KCNT1: variants seen among roughly 807,000 people sequenced by gnomAD.
KCNT1 encodes potassium sodium-activated channel subfamily T member 1, also known as potassium channel subfamily T member 1.
KCNT1 carries 78 observed loss-of-function variants against 147.8 expected under a neutral mutation model. The observed-to-expected ratio is 0.53, with a 90% CI of 0.44 to 0.64. The LOEUF (loss-of-function observed/expected upper bound fraction) is 0.64. Ranked by LOEUF, KCNT1 falls within the 30% of genes least tolerant of loss-of-function variation. The probability of loss-of-function intolerance (pLI) is 0.00; values close to 1 mark genes in which losing one functional copy is unlikely to be tolerated. For synonymous variants in KCNT1, 867 were observed against 748.8 expected (o/e 1.16, Z -2.58); for missense variants, 1,419 against 1,750.3 (o/e 0.81, Z 3.38).
chr9:135,734,045 T>C (rs1830234304), intron 2 of KCNT1, among the ~76,000 whole-genome samples: 1 of 151,998 alleles, frequency 6.6e-6, no homozygotes, highest in Non-Finnish European at 1.5e-5. Flanking sequence ...CAGCCCGCAG[T>C]CCCACTCAGC....
chr9:135,791,718 C>A, intron 29 of KCNT1, 79 bp from the exon 30 acceptor site: 2 of 1,220,788 alleles, frequency 1.6e-6, no homozygotes, highest in Non-Finnish European at 1.2e-6. Flanking sequence ...ATCCTGGAGC[C>A]CCCACACCTC....
At chr9:135,743,241 C>A (rs972381208) in intron 2 of KCNT1, among the ~76,000 whole-genome samples, 2 of 152,116 alleles carry the variant, frequency 1.3e-5, no homozygotes, top group African/African-American at 4.8e-5. Flanking sequence ...CCCACTGAGC[C>A]GCCGGGGCTC....
At chr9:135,753,839 G>A in intron 4 of KCNT1, 98 bp from the exon 5 acceptor site, 1 of 1,266,362 alleles carries the variant, frequency 7.9e-7, no homozygotes, top group Admixed American at 1.7e-5. Context: ...TGAGTAGGAG[G>A]CCCCCATGAA....
In KCNT1 at chr9:135,775,093, T is replaced by C. The variant is rs113226150; in HGVS notation, c.2244-217T>C. ...CTGGGTGCCAAGGCTAGGCAGGCCCTATGACACGGTGACCACAGGCTCAGC... is the reference window on the plus strand; with the variant it reads ...CTGGGTGCCAAGGCTAGGCAGGCCCCATGACACGGTGACCACAGGCTCAGC... On this transcript the variant is annotated intron_variant, in intron 19 of 30. Coordinates refer to ENST00000371757, the MANE Select transcript of KCNT1 (RefSeq NM_020822.3). 0.036 allele frequency among the ~76,000 whole-genome samples: 5,468 copies of C among 152,276 alleles called. 140 individuals carry two copies. Among genetic ancestry groups the C allele is most frequent in the Middle Eastern group, 0.11 (31 of 294 alleles).
rs117286274 is a variant in KCNT1, at chr9:135,757,333, C to G, written c.711C>G (p.Pro237=). ...FWPPLRNLFI[P]VFLNCWLAKH... is the part of the protein sequence containing the mutation. ...CGCCGCTGCGGAACCTGTTCATCCC[C>G]GTCTTTCTGAACTGCTGGCTGGCCA... is the stretch of plus-strand genomic sequence containing the variant. The change falls in exon 9 of 31, where the codon CCC becomes CCG. Residue 237 remains proline, a synonymous_variant. Transcript: ENST00000371757. 0.017 allele frequency: 26,922 copies of G among 1,611,700 alleles called. 287 individuals are homozygous for G. Among genetic ancestry groups the G allele is most frequent in the Non-Finnish European group, 0.02 (23,991 of 1,179,932 alleles).
At chr9:135,731,151 G>A (rs560055722) in intron 2 of KCNT1, among the ~76,000 whole-genome samples, 6 of 151,992 alleles carry the variant, frequency 3.9e-5, no homozygotes, top group South Asian at 2.1e-4. Context: ...ACTGGCTTCC[G>A]TACCCTTGGA....
chr9:135,777,605 G>A, intron 21 of KCNT1, 95 bp downstream of exon 21: 1 of 1,197,038 alleles, frequency 8.4e-7, no homozygotes, highest in Non-Finnish European at 1.2e-6. Flanking sequence ...CGCCTTTGCA[G>A]AGGGCACGGG....
At position 135,732,709 on chromosome 9, in the gene KCNT1, T is replaced by G. The variant is rs1830151279; in HGVS notation, c.255-17389T>G. On this transcript the variant is annotated intron_variant, in intron 2 of 30. Coordinates refer to ENST00000371757, the MANE Select transcript of KCNT1 (RefSeq NM_020822.3). ...AACTTCCTTCTTCTCTGGGTTTTGTTTTATTGTTGGCCGGGTTCTTTGTCT... is the reference window on the plus strand; with the variant it reads ...AACTTCCTTCTTCTCTGGGTTTTGTGTTATTGTTGGCCGGGTTCTTTGTCT... 2.0e-5 allele frequency among the ~76,000 whole-genome samples: 3 copies of G among 152,114 alleles called. No individual in the cohort carries two copies. In the South Asian group the frequency reaches 6.2e-4, roughly 32 times the overall value.
intron 29 of KCNT1, 93 bp from the exon 30 acceptor site, chr9:135,791,704 G>C: frequency 9.2e-7 from 1 of 1,081,430 alleles, no homozygotes; most frequent in Non-Finnish European, 1.4e-6. Flanking sequence ...GAAAGACTCA[G>C]CTCATCCTGG....
rs150798930 is a variant in KCNT1 at position 135,760,257 on chromosome 9, C to T, written c.1035+398C>T. On this transcript the variant is annotated intron_variant, in intron 11 of 30. Transcript: ENST00000371757. ...AGGGGGCACACCCCCCCGGCCACCC[C>T]AGTGGCTTCCCCGTCACCACTGCTG... Among the ~76,000 whole-genome samples, 992 of 152,336 alleles carry T rather than the reference C, an allele frequency of 6.5e-3. 7 individuals carry two copies. Among genetic ancestry groups the T allele is most frequent in the African/African-American group, 0.023 (937 of 41,586 alleles).
chr9:135,716,079 G>C (rs1041085873), intron 2 of KCNT1, among the ~76,000 whole-genome samples: 7 of 152,176 alleles, frequency 4.6e-5, no homozygotes, highest in Admixed American at 6.5e-5. Context: ...TGCGTGGCTG[G>C]GAGGCTCTCC....
chr9:135,748,882 G>A (rs575529744), intron 2 of KCNT1, among the ~76,000 whole-genome samples: 8 of 152,352 alleles, frequency 5.3e-5, no homozygotes, highest in African/African-American at 1.9e-4. Flanking sequence ...CCAGGCACCG[G>A]AGGCAGCGCC....
chr9:135,772,697 C>A lies in KCNT1; in HGVS notation c.2009-18C>A. ...GGGTGGGAGTCGGGCTGTGGCCAAGCACAGGGCTCTCTTCCAGGGACAGTG... is the reference window on the plus strand; with the variant it reads ...GGGTGGGAGTCGGGCTGTGGCCAAGAACAGGGCTCTCTTCCAGGGACAGTG... On this transcript the variant is annotated intron_variant, in intron 18 of 30. Transcript: ENST00000371757. The A allele has an allele frequency of 7.3e-7, 1 of 1,365,936 alleles. No individual in the cohort carries two copies. The allele number at this position is 1,365,936 out of a possible 1,614,324, so 84.6% of individuals were successfully genotyped here.
chr9:135,758,485 C>T lies in KCNT1; in HGVS notation c.831C>T (p.Thr277=). The T allele has an allele frequency of 6.2e-7, 1 of 1,613,618 alleles. No individual in the cohort carries two copies. The highest frequency in any genetic ancestry group is 1.1e-5 in the South Asian group (1 of 91,084). ...MFNQVLILFC[T]LLCLVFTGTC... is the part of the protein sequence containing the mutation. ...ACCAGGTCCTCATCCTCTTCTGCAC[C>T]CTGCTGTGCCTCGTTTTCACGGGGT... The change falls in exon 10 of 31, where the codon ACC becomes ACT. Residue 277 remains threonine, a synonymous_variant. Transcript: ENST00000371757.
At chr9:135,750,704 C>T (rs753246836) in intron 3 of KCNT1, 1 of 583,296 alleles carries the variant, frequency 1.7e-6, no homozygotes, top group Non-Finnish European at 3.1e-6. Flanking sequence ...CTAGAAATCC[C>T]CTGCACCCCA....
Position 135,752,378 on chromosome 9 carries a change from G to A in KCNT1, c.434+1337G>A, listed in dbSNP as rs1211483226. ...AGAATGAACCTCCTGTCTTTGTCTAGGTCAGAAGAGGGCAGAACCCACTAG... is the reference window on the plus strand; with the variant it reads ...AGAATGAACCTCCTGTCTTTGTCTAAGTCAGAAGAGGGCAGAACCCACTAG... On this transcript the variant is annotated intron_variant, in intron 4 of 30. Transcript: ENST00000371757. This position sits in a 1 kb window ranked among gnomAD's most constrained non-coding sequence, Gnocchi z 5.1. The A allele has an allele frequency of 1.1e-5, 5 of 456,486 alleles. No individual in the cohort carries two copies. The allele number at this position is 456,486 out of a possible 1,614,324, so 28.3% of individuals were successfully genotyped here. A position where few individuals can be genotyped will look rare whatever the true frequency, so the allele number is the denominator to read the frequency against.
chr9:135,784,492 T>TCCCCCCCCCCC, intron 25 of KCNT1, 43 bp from the exon 26 acceptor site: 2 of 138,346 alleles, frequency 1.4e-5, no homozygotes, highest in Non-Finnish European at 2.5e-5. Context: ...GCTCCCTCCC[T>TCCCCCCCCCCC]CCCTCCCTCC....
intron 29 of KCNT1, chr9:135,789,189 G>A (rs1291586170): frequency 6.6e-6 from 1 of 150,886 alleles, no homozygotes; most frequent in Non-Finnish European, 1.5e-5. Context: ...AAAGCTTCCT[G>A]CGGCTCCCAC....
At chr9:135,745,078 G>A (rs977539159) in intron 2 of KCNT1, among the ~76,000 whole-genome samples, 7 of 152,228 alleles carry the variant, frequency 4.6e-5, no homozygotes, top group African/African-American at 1.2e-4. Context: ...TGCCGGGTGT[G>A]GACTCTGGGA....
Sources: gnomAD v4.1 joint callset for allele counts (sites outside exome capture counted in the v4.1 genomes callset) on GRCh38, gnomAD v4.1.1 for gene constraint, Gnocchi (gnomAD v3.1) non-coding constraint, MANE v1.5 for transcripts, NCBI Gene and HGNC (gene_info 2026-07-23, HGNC 2026-07-21) for gene names.